CNKSR3: variants seen among roughly 807,000 people sequenced by gnomAD.
CNKSR3 encodes the protein connector enhancer of kinase suppressor of ras 3.
A neutral mutation model predicts 67.7 loss-of-function variants in CNKSR3; 36 were observed. The observed-to-expected ratio is 0.53, with a 90% CI of 0.41 to 0.70. The LOEUF (loss-of-function observed/expected upper bound fraction) is 0.70. Ranked by LOEUF, CNKSR3 falls within the 30% of genes least tolerant of loss-of-function variation. CNKSR3 has a pLI of 0.00. For synonymous variants in CNKSR3, 281 were observed against 271.4 expected (o/e 1.04, Z -0.35); for missense variants, 630 against 695.2 (o/e 0.91, Z 1.05).
intron 1 of CNKSR3, among the ~76,000 whole-genome samples, chr6:154,488,003 C>G (rs1257592224): frequency 6.6e-6 from 1 of 152,086 alleles, no homozygotes; most frequent in Non-Finnish European, 1.5e-5. Flanking sequence ...AAAAAACAAA[C>G]CAAACAACTC....
intron 1 of CNKSR3, among the ~76,000 whole-genome samples, chr6:154,498,014 A>G (rs137990376): frequency 6.6e-6 from 1 of 152,204 alleles, no homozygotes. Context: ...TATAGCCACT[A>G]TGGGGAGGTA....
At chr6:154,460,282 C>T (rs1021043526) in intron 1 of CNKSR3, among the ~76,000 whole-genome samples, 1 of 152,142 alleles carries the variant, frequency 6.6e-6, no homozygotes, top group Admixed American at 6.5e-5. Context: ...TCCTTTGAGT[C>T]CTCCTTCTTT....
intron 9 of CNKSR3, among the ~76,000 whole-genome samples, chr6:154,418,294 T>G (rs1785063903): frequency 6.6e-6 from 1 of 152,170 alleles, no homozygotes; most frequent in Admixed American, 6.5e-5. Context: ...TGCCTTTCTC[T>G]CTCCCTTACC....
At chr6:154,509,823 C>A (rs369691915) in intron 1 of CNKSR3, among the ~76,000 whole-genome samples, 5 of 152,292 alleles carry the variant, frequency 3.3e-5, no homozygotes, top group Non-Finnish European at 7.4e-5. Context: ...CACCCCTACT[C>A]CCTGGTTTAA....
At chr6:154,446,802 C>CTTTTTT (rs765120948) in intron 2 of CNKSR3, among the ~76,000 whole-genome samples, 2 of 120,362 alleles carry the variant, frequency 1.7e-5, no homozygotes, top group Non-Finnish European at 3.3e-5. Flanking sequence ...TCATACTTAT[C>CTTTTTT]TTTTTTTTTT....
intron 1 of CNKSR3, among the ~76,000 whole-genome samples, chr6:154,475,954 G>A (rs76750350): frequency 0.041 from 6,260 of 152,152 alleles, 208 homozygotes; most frequent in African/African-American, 0.091. Context: ...TAGGCAAACA[G>A]TGTAAGAAGG....
In CNKSR3 at chr6:154,393,643, A is replaced by C. The variant is rs1436066267; in HGVS notation, c.*12711T>G. 3 of 152,220 alleles carry C rather than the reference A, an allele frequency of 2.0e-5. No individual in the cohort carries two copies. The highest frequency in any genetic ancestry group is 7.2e-5 in the African/African-American group (3 of 41,458). The allele number at this position is 152,220 out of a possible 1,614,324, so 9.4% of individuals were successfully genotyped here. On this transcript the variant is annotated 3_prime_UTR_variant, in exon 13 of 13. Transcript: ENST00000607772. The stretch of plus-strand genomic sequence containing the variant: ...TTTAAGGTGTCCTATGATGAGGAAA[A>C]GTTCTAAGCTTTAGCGTAGCTGAAT...
intron 10 of CNKSR3, among the ~76,000 whole-genome samples, chr6:154,411,984 T>C (rs1784922077): frequency 6.6e-6 from 1 of 152,236 alleles, no homozygotes; most frequent in South Asian, 2.1e-4. Context: ...CTGATTCCAT[T>C]CTAATTCTAT....
chr6:154,441,265 A>AGT, intron 4 of CNKSR3, 27 bp downstream of exon 4: 1 of 1,306,916 alleles, frequency 7.7e-7, no homozygotes, highest in Non-Finnish European at 1.1e-6. Flanking sequence ...AAAAAAAAAA[A>AGT]GAAAGTGAAA....
chr6:154,447,927 TAAG>T (rs1785740458), intron 2 of CNKSR3, among the ~76,000 whole-genome samples: 1 of 152,144 alleles, frequency 6.6e-6, no homozygotes, highest in Non-Finnish European at 1.5e-5. Context: ...TGAATTATAA[TAAG>T]AATATTCAAA....
intron 5 of CNKSR3, among the ~76,000 whole-genome samples, chr6:154,430,978 A>G (rs1286068494): frequency 2.0e-5 from 3 of 151,944 alleles, no homozygotes; most frequent in Non-Finnish European, 4.4e-5. Flanking sequence ...TTGTTTTGAG[A>G]CTAAGCCATT....
At chr6:154,407,334 C>G (rs1354599319) in intron 12 of CNKSR3, among the ~76,000 whole-genome samples, 1 of 152,168 alleles carries the variant, frequency 6.6e-6, no homozygotes, top group Non-Finnish European at 1.5e-5. Flanking sequence ...CCTGCCCTAA[C>G]TGCCAGCAGA....
chr6:154,413,875 G>T (rs984428598), intron 10 of CNKSR3, among the ~76,000 whole-genome samples: 4 of 152,084 alleles, frequency 2.6e-5, no homozygotes, highest in African/African-American at 7.2e-5. Context: ...AACCTCCTGA[G>T]TAGCTGGGAC....
rs1232537083 is a variant in CNKSR3, at chr6:154,428,169, T to C, written c.688A>G (p.Thr230Ala). The C allele has an allele frequency of 1.2e-6, 2 of 1,609,708 alleles. No homozygotes were observed. Among genetic ancestry groups the C allele is most frequent in the Non-Finnish European group, 1.7e-6 (2 of 1,176,184 alleles). Residue 230 changes from threonine (T) to alanine (A), a missense_variant, in exon 7 of 13, where the codon ACC becomes GCC. This residue lies in a region of CNKSR3 where 133 missense variants were observed against 190.6 expected (regional missense o/e 0.70). Coordinates refer to ENST00000607772, the MANE Select transcript of CNKSR3 (RefSeq NM_173515.4). ...GTAATCACGTGTAACCCATCATAGG[T>C]TGATTTGATGTACATGCCCTGGAGT... ...GEGLGMYIKS[T>A]YDGLHVITGT... is the part of the protein sequence containing the mutation.
chr6:154,412,376 C>A (rs949897510), intron 10 of CNKSR3, among the ~76,000 whole-genome samples: 9 of 152,166 alleles, frequency 5.9e-5, no homozygotes, highest in African/African-American at 1.9e-4. Flanking sequence ...GCAGTTTAAT[C>A]CAGCTCTCCT....
chr6:154,430,157 T>C (rs1785335106), intron 6 of CNKSR3, among the ~76,000 whole-genome samples: 2 of 152,254 alleles, frequency 1.3e-5, no homozygotes, highest in South Asian at 4.1e-4. Context: ...GAGCAGATGT[T>C]ATTTTTGTAC....
intron 1 of CNKSR3, among the ~76,000 whole-genome samples, 174 bp from the exon 2 acceptor site, chr6:154,450,432 G>C (rs1474527352): frequency 6.6e-6 from 1 of 152,080 alleles, no homozygotes; most frequent in Non-Finnish European, 1.5e-5. Flanking sequence ...ATGTCAAACA[G>C]GTTTTCAAGG....
intron 1 of CNKSR3, among the ~76,000 whole-genome samples, chr6:154,500,411 C>T (rs1033639274): frequency 1.3e-5 from 2 of 152,082 alleles, no homozygotes; most frequent in African/African-American, 2.4e-5. Context: ...TTATCATAAT[C>T]GCCGCCTTTT....
intron 1 of CNKSR3, among the ~76,000 whole-genome samples, chr6:154,481,878 C>T (rs563198555): frequency 2.0e-5 from 3 of 152,286 alleles, no homozygotes; most frequent in African/African-American, 7.2e-5. Flanking sequence ...GTAACCAAAA[C>T]ACCAAGTCCC....
Sources: allele counts gnomAD v4.1 joint callset (sites outside exome capture counted in the v4.1 genomes callset), GRCh38; gene constraint gnomAD v4.1.1; regional missense constraint gnomAD v4.1.1; transcripts MANE v1.5; gene names NCBI Gene and HGNC (gene_info 2026-07-23, HGNC 2026-07-21).